Variants in TMEM161B observed in about 807,000 individuals in gnomAD.
TMEM161B encodes the protein transmembrane protein 161B.
Under a neutral mutation model 61.8 loss-of-function variants are expected in TMEM161B, and 34 were observed. The observed-to-expected ratio is 0.55, with a 90% CI of 0.42 to 0.73. The LOEUF is 0.73. Among genes scored for constraint, TMEM161B ranks in the 30% least tolerant of loss-of-function variants. The pLI is 0.00. For missense variants in TMEM161B, 456 were observed against 558.5 expected (o/e 0.82, Z 1.85); for synonymous variants, 167 against 192.8 (o/e 0.87, Z 1.11).
At position 88,206,517 on chromosome 5, in the gene TMEM161B, A is replaced by C. The variant is rs1177087575; in HGVS notation, c.599-18T>G. 3.9e-6 allele frequency: 6 copies of C among 1,556,946 alleles called. No individual in the cohort carries two copies. The highest frequency in any genetic ancestry group is 2.0e-5 in the Admixed American group (1 of 50,118). ...TGTAAACCCTGTGGGGGAAAAAAAA[A>C]AAAACAACAGATTACTCTTATCACA... On this transcript the variant is annotated intron_variant, in intron 6 of 11. Transcript: ENST00000296595.
downstream of TMEM161B, among the ~76,000 whole-genome samples, chr5:88,188,622 T>C (rs931698670): frequency 1.3e-5 from 2 of 152,154 alleles, no homozygotes; most frequent in South Asian, 2.1e-4. Flanking sequence ...AGTGGAATTG[T>C]AGCAGGACGA....
At chr5:88,227,550 G>A (rs1245597812) in intron 3 of TMEM161B, among the ~76,000 whole-genome samples, 6 of 152,142 alleles carry the variant, frequency 3.9e-5, no homozygotes, top group Non-Finnish European at 8.8e-5. Context: ...AGGTATATTT[G>A]TAATGATAAG....
At chr5:88,232,844 G>A (rs908348245) in intron 2 of TMEM161B, among the ~76,000 whole-genome samples, 5 of 152,148 alleles carry the variant, frequency 3.3e-5, no homozygotes, top group South Asian at 2.1e-4. Flanking sequence ...AAAGTGCTGC[G>A]ATTACAGGCG....
chr5:88,248,632 T>C (rs1198658634), intron 1 of TMEM161B, among the ~76,000 whole-genome samples: 4 of 150,796 alleles, frequency 2.7e-5, no homozygotes, highest in African/African-American at 9.8e-5. Context: ...CTGCTAGAAA[T>C]TGCCTTAGGT....
In TMEM161B at chr5:88,195,348, C is replaced by G. The variant is rs1317246615; in HGVS notation, c.*863G>C. 3.1e-5 allele frequency: 23 copies of G among 749,564 alleles called. No homozygotes were observed. Among genetic ancestry groups the G allele is most frequent in the Non-Finnish European group, 3.6e-5 (22 of 617,402 alleles). The allele number at this position is 749,564 out of a possible 1,614,324, so 46.4% of individuals were successfully genotyped here. On this transcript the variant is annotated 3_prime_UTR_variant, in exon 12 of 12. Coordinates refer to ENST00000296595, the MANE Select transcript of TMEM161B (RefSeq NM_153354.5). Reference sequence around the variant, plus strand: ...ATTCAATATTTTCATCTTTTATAATCTCAATATATTATATATTTAATATAT... The same window carrying G: ...ATTCAATATTTTCATCTTTTATAATGTCAATATATTATATATTTAATATAT...
At chr5:88,217,924 TAAC>T (rs1748206807) in intron 5 of TMEM161B, among the ~76,000 whole-genome samples, 1 of 147,160 alleles carries the variant, frequency 6.8e-6, no homozygotes, top group Non-Finnish European at 1.5e-5. Context: ...AAAAAAACCT[TAAC>T]AAAATCTATC....
At chr5:88,258,544 A>T (rs778817007) in intron 1 of TMEM161B, among the ~76,000 whole-genome samples, 1 of 152,176 alleles carries the variant, frequency 6.6e-6, no homozygotes, top group African/African-American at 2.4e-5. Context: ...TGCAGAAACA[A>T]ATGGTTCTAG....
chr5:88,235,808 A>C (rs1474518909), intron 2 of TMEM161B, among the ~76,000 whole-genome samples: 1 of 152,198 alleles, frequency 6.6e-6, no homozygotes, highest in Non-Finnish European at 1.5e-5. Flanking sequence ...GGCTTAAGCA[A>C]AAACAAATAC....
At chr5:88,213,666 A>G (rs1747287708) in intron 5 of TMEM161B, among the ~76,000 whole-genome samples, 1 of 152,182 alleles carries the variant, frequency 6.6e-6, no homozygotes. Flanking sequence ...AGTCAGACTC[A>G]ATTATAAATT....
At chr5:88,258,192 A>T (rs1471868608) in intron 1 of TMEM161B, among the ~76,000 whole-genome samples, 1 of 152,216 alleles carries the variant, frequency 6.6e-6, no homozygotes, top group African/African-American at 2.4e-5. Context: ...ATGTTTTTAA[A>T]GCGTGCTTAT....
intron 1 of TMEM161B, among the ~76,000 whole-genome samples, chr5:88,252,872 T>C (rs1242691387): frequency 6.6e-6 from 1 of 152,224 alleles, no homozygotes; most frequent in Non-Finnish European, 1.5e-5. Flanking sequence ...AAACAAACTA[T>C]GAAGTGGATC....
intron 3 of TMEM161B, among the ~76,000 whole-genome samples, chr5:88,227,920 CTTCTATGGT>C (rs1214691284): frequency 1.3e-5 from 2 of 152,174 alleles, no homozygotes; most frequent in African/African-American, 4.8e-5. Context: ...ACAGATGAGG[CTTCTATGGT>C]CTGTTCTGTG....
At chr5:88,241,393 ATAAACT>A (rs1189277523) in intron 1 of TMEM161B, among the ~76,000 whole-genome samples, 3 of 151,900 alleles carry the variant, frequency 2.0e-5, no homozygotes, top group Non-Finnish European at 4.4e-5. Context: ...ATAGTCTAAT[ATAAACT>A]TAAAATGAAT....
chr5:88,225,599 G>A (rs1352367764), intron 4 of TMEM161B, among the ~76,000 whole-genome samples, 170 bp downstream of exon 4: 1 of 152,150 alleles, frequency 6.6e-6, no homozygotes, highest in Admixed American at 6.5e-5. Context: ...AATAATACAA[G>A]TTAGGTGAAC....
intron 9 of TMEM161B, chr5:88,201,306 C>A (rs1744360831): frequency 6.6e-6 from 1 of 151,950 alleles, no homozygotes; most frequent in South Asian, 2.1e-4. Context: ...ATAAAGTATT[C>A]ATTACTAATA....
chr5:88,266,794 A>T (rs1032278634), intron 1 of TMEM161B, among the ~76,000 whole-genome samples: 2 of 152,240 alleles, frequency 1.3e-5, no homozygotes, highest in African/African-American at 4.8e-5. Context: ...ACACTTGCAT[A>T]TACAGACATT....
chr5:88,194,405 CTTAGGTTGACCCCATG>C (rs1749303833), downstream of TMEM161B, among the ~76,000 whole-genome samples: 1 of 152,062 alleles, frequency 6.6e-6, no homozygotes, highest in African/African-American at 2.4e-5. Context: ...CTGATGGCCA[CTTAGGTTGACCCCATG>C]ACTTTGCCAC....
downstream of TMEM161B, among the ~76,000 whole-genome samples, chr5:88,193,930 T>C: frequency 6.6e-6 from 1 of 152,172 alleles, no homozygotes; most frequent in East Asian, 1.9e-4. Context: ...TGAAGCGTCA[T>C]TAGGATATAT....
chr5:88,196,082 T>A lies in TMEM161B; in HGVS notation c.*129A>T, dbSNP rs1749571040. 1 of 1,442,858 alleles carries A rather than the reference T, an allele frequency of 6.9e-7. No homozygotes were observed. Among genetic ancestry groups the A allele is most frequent in the Non-Finnish European group, 9.1e-7 (1 of 1,101,868 alleles). The allele number at this position is 1,442,858 out of a possible 1,614,324, so 89.4% of individuals were successfully genotyped here. On this transcript the variant is annotated 3_prime_UTR_variant, in exon 12 of 12. Coordinates refer to ENST00000296595, the MANE Select transcript of TMEM161B (RefSeq NM_153354.5). ...CTGAGAATACAGAGGAAACATTTAA[T>A]ACAAGACATTCTGATATGTTTTTTT...
Sources: gnomAD v4.1 joint callset for allele counts (sites outside exome capture counted in the v4.1 genomes callset) on GRCh38, gnomAD v4.1.1 for gene constraint, MANE v1.5 for transcripts, NCBI Gene and HGNC (gene_info 2026-07-23, HGNC 2026-07-21) for gene names.